RBMS3: variants seen among roughly 807,000 people sequenced by gnomAD.
The protein encoded by RBMS3 is RNA binding motif single stranded interacting protein 3.
RBMS3 carries 27 observed loss-of-function variants against 66.8 expected under a neutral mutation model. That is an observed-to-expected ratio of 0.40 (90% confidence interval 0.30 to 0.56). The LOEUF is 0.56. Among genes scored for constraint, RBMS3 ranks in the 20% least tolerant of loss-of-function variants. The probability of loss-of-function intolerance (pLI) is 0.40; values close to 1 mark genes in which losing one functional copy is unlikely to be tolerated. For missense variants in RBMS3, 513 were observed against 549.5 expected (o/e 0.93, Z 0.66); for synonymous variants, 188 against 183.0 (o/e 1.03, Z -0.22).
chr3:29,449,464 A>C (rs962995485), intron 2 of RBMS3, among the ~76,000 whole-genome samples: 1 of 152,240 alleles, frequency 6.6e-6, no homozygotes, highest in Non-Finnish European at 1.5e-5. Flanking sequence ...GATGCAGTTT[A>C]AATCTTTCTA....
chr3:29,876,233 A>G (rs897753522), intron 7 of RBMS3, among the ~76,000 whole-genome samples: 1 of 152,144 alleles, frequency 6.6e-6, no homozygotes, highest in South Asian at 2.1e-4. Flanking sequence ...TTGAGCCCAC[A>G]TCATCAGGAA....
chr3:29,960,606 C>T (rs1248665746), intron 12 of RBMS3, among the ~76,000 whole-genome samples: 2 of 152,224 alleles, frequency 1.3e-5, no homozygotes, highest in Non-Finnish European at 2.9e-5. Flanking sequence ...TGAGAGTTCT[C>T]TGTCCCTGCA....
At chr3:29,797,828 G>A (rs1034775007) in intron 6 of RBMS3, 1 of 152,116 alleles carries the variant, frequency 6.6e-6, no homozygotes, top group Non-Finnish European at 1.5e-5. Context: ...GAGGGCATTT[G>A]GTAGGTATGG....
intron 4 of RBMS3, among the ~76,000 whole-genome samples, chr3:29,694,193 A>G (rs532937331): frequency 6.6e-6 from 1 of 152,292 alleles, no homozygotes; most frequent in South Asian, 2.1e-4. Flanking sequence ...CCATGGCTAC[A>G]TTAGTTGCCT....
chr3:29,340,866 A>G (rs1485515387), intron 1 of RBMS3, among the ~76,000 whole-genome samples: 3 of 152,144 alleles, frequency 2.0e-5, no homozygotes, highest in African/African-American at 7.2e-5. Context: ...TATTATATAT[A>G]TCATTTTTAA....
At chr3:29,519,662 A>T (rs1483527231) in intron 3 of RBMS3, among the ~76,000 whole-genome samples, 2 of 152,006 alleles carry the variant, frequency 1.3e-5, no homozygotes, top group Admixed American at 1.3e-4. Context: ...CTTGGCTTTC[A>T]CACTTCCTGT....
At chr3:29,880,931 A>G in intron 7 of RBMS3, 1 of 1,157,592 alleles carries the variant, frequency 8.6e-7, no homozygotes, top group Non-Finnish European at 1.2e-6. Context: ...CTCTGGATTT[A>G]CCCTCTGTTT....
At chr3:29,605,090 A>T (rs533235017) in intron 4 of RBMS3, among the ~76,000 whole-genome samples, 1 of 151,932 alleles carries the variant, frequency 6.6e-6, no homozygotes, top group African/African-American at 2.4e-5. Flanking sequence ...TTCTTTGTAT[A>T]TTTCAAGCAT....
At chr3:29,316,949 C>T (rs1423117635) in intron 1 of RBMS3, among the ~76,000 whole-genome samples, 2 of 151,672 alleles carry the variant, frequency 1.3e-5, no homozygotes, top group Non-Finnish European at 2.9e-5. Context: ...TATTGACATA[C>T]CAGCATAAAA....
chr3:29,322,145 G>A (rs9310894), intron 1 of RBMS3, among the ~76,000 whole-genome samples: 36,851 of 150,978 alleles, frequency 0.24, 5,375 homozygotes, highest in East Asian at 0.57. Context: ...TTTCATTTCC[G>A]TCCTTCCCAT....
chr3:29,881,241 A>G (rs1184936576), intron 7 of RBMS3, among the ~76,000 whole-genome samples: 1 of 151,918 alleles, frequency 6.6e-6, no homozygotes, highest in Non-Finnish European at 1.5e-5. Flanking sequence ...GCTCAGCTGT[A>G]CTTCCCTACA....
chr3:29,768,704 G>T (rs1255544719), intron 6 of RBMS3, among the ~76,000 whole-genome samples: 1 of 151,838 alleles, frequency 6.6e-6, no homozygotes, highest in Non-Finnish European at 1.5e-5. Context: ...CAATCAACAG[G>T]GTATAGGAGC....
intron 4 of RBMS3, among the ~76,000 whole-genome samples, chr3:29,731,400 A>G (rs1270224067): frequency 6.6e-6 from 1 of 152,196 alleles, no homozygotes; most frequent in Non-Finnish European, 1.5e-5. Context: ...TAACTGAATC[A>G]CCATGCAGAA....
intron 1 of RBMS3, among the ~76,000 whole-genome samples, chr3:29,418,262 C>T (rs2040561496): frequency 6.6e-6 from 1 of 152,098 alleles, no homozygotes; most frequent in South Asian, 2.1e-4. Context: ...AAAATAAGTG[C>T]AGAATATACT....
intron 12 of RBMS3, among the ~76,000 whole-genome samples, chr3:29,974,906 A>G (rs1421559469): frequency 2.1e-5 from 3 of 142,660 alleles, no homozygotes; most frequent in Non-Finnish European, 4.6e-5. Flanking sequence ...TTCTATATTT[A>G]TATATTTTAT....
At position 30,001,903 on chromosome 3, in the gene RBMS3, T is replaced by G. The variant is rs577643848; in HGVS notation, c.1308-1953T>G. 3.3e-5 allele frequency among the ~76,000 whole-genome samples: 5 copies of G among 152,176 alleles called. No homozygotes were observed. In the South Asian group the frequency reaches 1.0e-3, roughly 32 times the overall value. On this transcript the variant is annotated intron_variant, in intron 14 of 14. Transcript: ENST00000383767. ...TAAAACCCTTCTGTTTTTAGGAATT[T>G]CAGTGCAATCCATAAGTATTATGTA...
chr3:29,833,636 T>G (rs941770582), intron 6 of RBMS3, among the ~76,000 whole-genome samples: 2 of 151,352 alleles, frequency 1.3e-5, no homozygotes, highest in African/African-American at 4.9e-5. Flanking sequence ...CCATCAGAGA[T>G]AAAAAAGAAA....
At chr3:29,766,580 T>C (rs2055938082) in intron 6 of RBMS3, 1 of 152,016 alleles carries the variant, frequency 6.6e-6, no homozygotes, top group African/African-American at 2.4e-5. Context: ...GAACACGCTT[T>C]ATTTCTCTGG....
chr3:29,462,018 C>T (rs1353694470), intron 2 of RBMS3, among the ~76,000 whole-genome samples: 8 of 149,826 alleles, frequency 5.3e-5, no homozygotes, highest in Admixed American at 2.0e-4. Context: ...CCTCATGATC[C>T]GCCCGTCTCA....
Sources: allele counts gnomAD v4.1 joint callset (sites outside exome capture counted in the v4.1 genomes callset), GRCh38; gene constraint gnomAD v4.1.1; transcripts MANE v1.5; gene names NCBI Gene and HGNC (gene_info 2026-07-23, HGNC 2026-07-21).